Variants in SLC6A2 observed in about 807,000 individuals in gnomAD.
SLC6A2 encodes the protein sodium-dependent noradrenaline transporter.
In SLC6A2, 26 loss-of-function variants were observed where a neutral mutation model predicts 71.7. The ratio of observed to expected loss-of-function variants is 0.36; its 90% CI spans 0.27 to 0.50. The LOEUF (loss-of-function observed/expected upper bound fraction) is 0.50. Ranked by LOEUF, SLC6A2 falls within the 20% of genes least tolerant of loss-of-function variation. The pLI, the probability that SLC6A2 is intolerant of heterozygous loss-of-function variation, is 0.96. For synonymous variants in SLC6A2, 363 were observed against 337.9 expected (o/e 1.07, Z -0.82); for missense variants, 581 against 803.9 (o/e 0.72, Z 3.35).
At chr16:55,695,530 C>T in intron 8 of SLC6A2, 128 bp downstream of exon 8, 1 of 1,032,538 alleles carries the variant, frequency 9.7e-7, no homozygotes, top group Non-Finnish European at 1.5e-6. Context: ...GTCCAAACCA[C>T]CCATGTGATT....
intron 8 of SLC6A2, 53 bp from the exon 9 acceptor site, chr16:55,696,172 C>A: frequency 9.3e-7 from 1 of 1,077,120 alleles, no homozygotes; most frequent in Non-Finnish European, 1.5e-6. Context: ...CTATCATGTG[C>A]AGCTCAGACC....
At chr16:55,691,470 C>T (rs1477445003) in intron 5 of SLC6A2, among the ~76,000 whole-genome samples, 1 of 152,148 alleles carries the variant, frequency 6.6e-6, no homozygotes. Context: ...TAGCAACACT[C>T]GCACAACTTC....
Position 55,656,510 on chromosome 16 carries a change from C to G in SLC6A2, c.-51-134C>G. ...TTTCCAAATTTTTCCAGCGGACGCG[C>G]GCCCTTTTCTGGGAACCCTGCGTCC... On this transcript the variant is annotated intron_variant, in intron 1 of 14. Coordinates refer to ENST00000568943, the MANE Select transcript of SLC6A2 (RefSeq NM_001172501.3). The surrounding 1 kb of genome is among the most constrained non-coding windows in gnomAD (Gnocchi z 4.5). 1 of 707,342 alleles carries G rather than the reference C, an allele frequency of 1.4e-6. No homozygotes were observed. Among genetic ancestry groups the G allele is most frequent in the East Asian group, 2.6e-5 (1 of 38,134 alleles). The allele number at this position is 707,342 out of a possible 1,614,324, so 43.8% of individuals were successfully genotyped here. A position where few individuals can be genotyped will look rare whatever the true frequency, so the allele number is the denominator to read the frequency against.
In SLC6A2 at chr16:55,672,185, A is replaced by G; in HGVS notation, c.644+10A>G. The G allele has an allele frequency of 6.2e-7, 1 of 1,614,162 alleles. No individual in the cohort carries two copies. The highest frequency in any genetic ancestry group is 8.5e-7 in the Non-Finnish European group (1 of 1,180,022). ...CAGCCGAGTTTTATGAGTAAGTCAC[A>G]GACCCCTTGTGCTGGGCCTGTTGAG... On this transcript the variant is annotated intron_variant, in intron 4 of 14. Transcript: ENST00000568943.
chr16:55,703,086 G>T lies in SLC6A2; in HGVS notation c.*740G>T. 1 of 985,822 alleles carries T rather than the reference G, an allele frequency of 1.0e-6. No homozygotes were observed. Among genetic ancestry groups the T allele is most frequent in the Non-Finnish European group, 1.2e-6 (1 of 830,222 alleles). The allele number at this position is 985,822 out of a possible 1,614,324, so 61.1% of individuals were successfully genotyped here. A position where few individuals can be genotyped will look rare whatever the true frequency, so the allele number is the denominator to read the frequency against. On this transcript the variant is annotated 3_prime_UTR_variant, in exon 15 of 15. Transcript: ENST00000568943. ...GAGGGTAAATGAACCACAGTGAGCAGGTTCTAGGAGGTACCTGCATCAGAC... is the reference window on the plus strand; with the variant it reads ...GAGGGTAAATGAACCACAGTGAGCATGTTCTAGGAGGTACCTGCATCAGAC...
In SLC6A2 at chr16:55,656,940, C is replaced by T; in HGVS notation, c.246C>T (p.Phe82=). ...FAVDLANVWR[F]PYLCYKNGGG... is the part of the protein sequence containing the mutation. ...TGGACCTGGCCAACGTGTGGCGCTTCCCCTACCTCTGCTACAAGAACGGCG... is the reference window on the plus strand; with the variant it reads ...TGGACCTGGCCAACGTGTGGCGCTTTCCCTACCTCTGCTACAAGAACGGCG... Residue 82 remains phenylalanine, a synonymous_variant, in exon 2 of 15, where the codon TTC becomes TTT. Transcript: ENST00000568943. The surrounding 1 kb of genome is among the most constrained non-coding windows in gnomAD (Gnocchi z 4.5). The T allele has an allele frequency of 6.2e-7, 1 of 1,613,796 alleles. No homozygotes were observed. The highest frequency in any genetic ancestry group is 8.5e-7 in the Non-Finnish European group (1 of 1,179,832).
At chr16:55,691,239 GAGAGAGA>G (rs1301989158) in intron 5 of SLC6A2, among the ~76,000 whole-genome samples, 1 of 9,996 alleles carries the variant, frequency 1.0e-4, no homozygotes, top group African/African-American at 2.3e-4. Flanking sequence ...GGGAGAGAGA[GAGAGAGA>G]GAGAGAGAGA....
chr16:55,663,084 A>G (rs1964653406), intron 2 of SLC6A2, among the ~76,000 whole-genome samples: 1 of 152,154 alleles, frequency 6.6e-6, no homozygotes, highest in Admixed American at 6.5e-5. Context: ...CTTCTGACCC[A>G]CTGTCTATAA....
intron 5 of SLC6A2, among the ~76,000 whole-genome samples, chr16:55,690,301 T>A (rs1965576223): frequency 6.6e-6 from 1 of 152,210 alleles, no homozygotes; most frequent in South Asian, 2.1e-4. Context: ...TCTAAGGAGC[T>A]CATGATCTAG....
chr16:55,684,396 G>C (rs775860052), intron 4 of SLC6A2, among the ~76,000 whole-genome samples: 1 of 151,898 alleles, frequency 6.6e-6, no homozygotes, highest in African/African-American at 2.4e-5. Context: ...AGTACTTTGC[G>C]ATTTGGGGTT....
intron 14 of SLC6A2, 109 bp from the exon 15 acceptor site, chr16:55,702,214 A>C (rs1390964049): frequency 9.5e-6 from 10 of 1,056,608 alleles, no homozygotes; most frequent in Non-Finnish European, 1.5e-5. Flanking sequence ...TCCGTGAAGG[A>C]AGGGGGTGTT....
intron 5 of SLC6A2, among the ~76,000 whole-genome samples, chr16:55,689,394 A>G (rs2142574360): frequency 6.6e-6 from 1 of 152,366 alleles, no homozygotes; most frequent in East Asian, 1.9e-4. Context: ...GTCTCAGCTC[A>G]GTCATGGCCT....
At chr16:55,695,866 A>C (rs1965781501) in intron 8 of SLC6A2, among the ~76,000 whole-genome samples, 1 of 152,164 alleles carries the variant, frequency 6.6e-6, no homozygotes, top group Non-Finnish European at 1.5e-5. Context: ...GCAGCTTCCC[A>C]TATCCTTATG....
At chr16:55,692,555 A>G (rs1257756957) in intron 6 of SLC6A2, among the ~76,000 whole-genome samples, 2 of 152,146 alleles carry the variant, frequency 1.3e-5, no homozygotes, top group African/African-American at 4.8e-5. Flanking sequence ...GGCCCCAACT[A>G]TGGTGAAAGT....
chr16:55,685,778 G>A (rs1172477634), intron 5 of SLC6A2, among the ~76,000 whole-genome samples: 1 of 152,142 alleles, frequency 6.6e-6, no homozygotes, highest in Non-Finnish European at 1.5e-5. Context: ...TGTTTCCTCG[G>A]ATACAGAAAT....
At chr16:55,671,842 A>G in intron 3 of SLC6A2, 96 bp from the exon 4 acceptor site, 1 of 1,580,496 alleles carries the variant, frequency 6.3e-7, no homozygotes, top group African/African-American at 1.3e-5. Flanking sequence ...CGAGAGACAG[A>G]GGGAATGGGA....
intron 11 of SLC6A2, 60 bp downstream of exon 11, chr16:55,698,628 G>A (rs1965874934): frequency 1.7e-6 from 2 of 1,200,286 alleles, no homozygotes; most frequent in South Asian, 2.4e-5. Flanking sequence ...GCACCTGGAG[G>A]TGTGCAGGGA....
chr16:55,703,805 A>G lies in SLC6A2; in HGVS notation c.*1459A>G. On this transcript the variant is annotated 3_prime_UTR_variant, in exon 15 of 15. Coordinates refer to ENST00000568943, the MANE Select transcript of SLC6A2 (RefSeq NM_001172501.3). ...GCACGTCAAGAAGGTGCTTTGCCTC[A>G]AATTGGGGTGTTGTTGAGCCTGGTG... is the stretch of plus-strand genomic sequence containing the variant. 1.0e-6 allele frequency: 1 copy of G among 985,348 alleles called. No homozygotes were observed. The highest frequency in any genetic ancestry group is 1.2e-6 in the Non-Finnish European group (1 of 829,942). 61.0% of individuals were successfully genotyped at this position (985,348 alleles called of 1,614,324 possible). A position where few individuals can be genotyped will look rare whatever the true frequency, so the allele number is the denominator to read the frequency against.
chr16:55,691,260 A>AGG (rs1965617435), intron 5 of SLC6A2, among the ~76,000 whole-genome samples: 1 of 145,948 alleles, frequency 6.9e-6, no homozygotes, highest in Admixed American at 6.8e-5. Context: ...AGAGAGAGAG[A>AGG]GAGAGAGAGA....
Sources: allele counts gnomAD v4.1 joint callset (sites outside exome capture counted in the v4.1 genomes callset), GRCh38; gene constraint gnomAD v4.1.1; non-coding constraint Gnocchi (gnomAD v3.1); transcripts MANE v1.5; gene names NCBI Gene and HGNC (gene_info 2026-07-23, HGNC 2026-07-21).